The following CCDC7 variants were observed in gnomAD, a reference collection of about 807,000 sequenced individuals.
CCDC7 encodes coiled-coil domain-containing protein 7.
CCDC7 carries 183 observed loss-of-function variants against 196.9 expected under a neutral mutation model. That is an observed-to-expected ratio of 0.93 (90% CI 0.82 to 1.05). The LOEUF is 1.05. Among genes scored for constraint, CCDC7 ranks in the 50% least tolerant of loss-of-function variants. CCDC7 has a pLI of 0.00. For synonymous variants in CCDC7, 525 were observed against 484.6 expected (o/e 1.08, Z -1.10); for missense variants, 1,540 against 1,482.2 (o/e 1.04, Z -0.64).
rs139298920 is a variant in CCDC7 at position 32,721,148 on chromosome 10, A to T, written c.2570-5586A>T. ...TGAACTAATATGTAAATACCCCAAG[A>T]TAACTTAAAAAATAGCCCAGAATTG... On this transcript the variant is annotated intron_variant, in intron 25 of 41. Coordinates refer to ENST00000639629, the Ensembl canonical transcript of CCDC7. Among the ~76,000 whole-genome samples, 1,067 of 152,242 alleles carry T rather than the reference A, an allele frequency of 7.0e-3. 12 individuals are homozygous for T. The highest frequency in any genetic ancestry group is 0.025 in the African/African-American group (1,018 of 41,538).
intron 18 of CCDC7, among the ~76,000 whole-genome samples, chr10:32,617,039 A>C (rs956841232): frequency 2.0e-5 from 3 of 151,878 alleles, no homozygotes; most frequent in African/African-American, 7.2e-5. Context: ...TGTTTCCAGA[A>C]ATTTATTTAT....
At chr10:32,571,982 A>T in intron 16 of CCDC7, 89 bp downstream of exon 17, 1 of 1,249,194 alleles carries the variant, frequency 8.0e-7, no homozygotes, top group Non-Finnish European at 1.1e-6. Context: ...TTCTAAATTT[A>T]ATGTCACAAA....
intron 9 of CCDC7, among the ~76,000 whole-genome samples, chr10:32,508,822 G>A (rs1012695749): frequency 2.6e-5 from 4 of 151,858 alleles, no homozygotes; most frequent in African/African-American, 9.7e-5. Flanking sequence ...TAGTAGAGAC[G>A]GGGTTTTACC....
chr10:32,524,087 G>C (rs1322905287), intron 11 of CCDC7, among the ~76,000 whole-genome samples: 2 of 119,498 alleles, frequency 1.7e-5, no homozygotes, highest in Non-Finnish European at 3.7e-5. Context: ...TTTTTTTTTA[G>C]TGAAGGTGAC....
At chr10:32,610,296 G>C (rs916824799) in intron 18 of CCDC7, among the ~76,000 whole-genome samples, 1 of 151,934 alleles carries the variant, frequency 6.6e-6, no homozygotes, top group Non-Finnish European at 1.5e-5. Context: ...AGTAGAGACG[G>C]GATTTCACCA....
At chr10:32,552,538 G>T (rs575065469) in intron 13 of CCDC7, among the ~76,000 whole-genome samples, 35 of 152,224 alleles carry the variant, frequency 2.3e-4, no homozygotes, top group African/African-American at 8.4e-4. Flanking sequence ...CTTTAAAGAG[G>T]TTCTGTTTTG....
intron 8 of CCDC7, among the ~76,000 whole-genome samples, chr10:32,489,931 TCCTTCTTGGTGG>T (rs1257947756): frequency 1.3e-5 from 2 of 152,026 alleles, no homozygotes; most frequent in African/African-American, 2.4e-5. Flanking sequence ...CAACAGTGGT[TCCTTCTTGGTGG>T]TGGATGGAGC....
At chr10:32,522,611 C>G (rs1385157371) in intron 11 of CCDC7, among the ~76,000 whole-genome samples, 1 of 151,934 alleles carries the variant, frequency 6.6e-6, no homozygotes, top group Non-Finnish European at 1.5e-5. Context: ...TTTCAAAACA[C>G]CAACTTTTTG....
chr10:32,641,452 G>C (rs1032013241), intron 20 of CCDC7, among the ~76,000 whole-genome samples: 5 of 152,168 alleles, frequency 3.3e-5, no homozygotes, highest in Non-Finnish European at 5.9e-5. Context: ...ATCGGCTACT[G>C]AGGCTTGTGC....
chr10:32,646,765 ATTG>A (rs754436050), intron 20 of CCDC7, among the ~76,000 whole-genome samples: 2 of 152,140 alleles, frequency 1.3e-5, no homozygotes, highest in Non-Finnish European at 2.9e-5. Context: ...CACAGTGCCT[ATTG>A]TTGTCATATT....
chr10:32,472,179 G>C (rs561030932), intron 6 of CCDC7, among the ~76,000 whole-genome samples: 6 of 151,998 alleles, frequency 3.9e-5, no homozygotes, highest in African/African-American at 1.4e-4. Context: ...ATAATACTTC[G>C]ACAAAAAGAT....
chr10:32,828,439 GAGA>G (rs71030014), intron 32 of CCDC7, among the ~76,000 whole-genome samples: 13,860 of 53,842 alleles, frequency 0.26, 3,967 homozygotes, highest in East Asian at 0.43. Context: ...AGGAAGGAAG[GAGA>G]AGAAGAAGAA....
chr10:32,845,800 C>CAT, intron 35 of CCDC7, 76 bp from the exon 37 acceptor site: 9 of 1,207,686 alleles, frequency 7.5e-6, no homozygotes, highest in South Asian at 2.6e-5. Flanking sequence ...CACACATACA[C>CAT]ACACACACAG....
chr10:32,698,298 C>T (rs1414034771), intron 24 of CCDC7, among the ~76,000 whole-genome samples: 1 of 152,158 alleles, frequency 6.6e-6, no homozygotes, highest in East Asian at 1.9e-4. Context: ...TCTTCTCCTC[C>T]AAAGGATCGC....
chr10:32,537,534 T>C (rs775046541), intron 11 of CCDC7, among the ~76,000 whole-genome samples: 4 of 152,216 alleles, frequency 2.6e-5, no homozygotes, highest in Non-Finnish European at 5.9e-5. Context: ...TTTGTCGAAA[T>C]GGCTTTTGGC....
At chr10:32,506,285 TC>T (rs1306496757) in intron 9 of CCDC7, among the ~76,000 whole-genome samples, 1 of 138,072 alleles carries the variant, frequency 7.2e-6, no homozygotes, top group Admixed American at 7.3e-5. Context: ...GCTCCTCACA[TC>T]CCAGACGATG....
intron 24 of CCDC7, among the ~76,000 whole-genome samples, chr10:32,704,110 A>G (rs940272790): frequency 2.6e-5 from 4 of 151,308 alleles, no homozygotes; most frequent in Non-Finnish European, 5.9e-5. Flanking sequence ...AGAATTTTCC[A>G]TTTTTCTGCT....
At chr10:32,561,235 CTG>C (rs1288918249) in intron 13 of CCDC7, among the ~76,000 whole-genome samples, 2 of 152,184 alleles carry the variant, frequency 1.3e-5, no homozygotes, top group Non-Finnish European at 2.9e-5. Flanking sequence ...TAACACCCCA[CTG>C]TCAACATTAG....
intron 20 of CCDC7, among the ~76,000 whole-genome samples, chr10:32,654,100 C>T (rs1004092423): frequency 1.3e-5 from 2 of 151,976 alleles, no homozygotes; most frequent in Non-Finnish European, 2.9e-5. Context: ...TAAAATAGTC[C>T]TTTGATTCCA....
Sources: gnomAD v4.1 joint callset for allele counts (sites outside exome capture counted in the v4.1 genomes callset) on GRCh38, gnomAD v4.1.1 for gene constraint, MANE v1.5 for transcripts, NCBI Gene and HGNC (gene_info 2026-07-23, HGNC 2026-07-21) for gene names.